LRBA: variants seen among roughly 807,000 people sequenced by gnomAD.
The protein encoded by LRBA is lipopolysaccharide-responsive and beige-like anchor protein.
A neutral mutation model predicts 330.0 loss-of-function variants in LRBA; 176 were observed. The observed-to-expected ratio is 0.53, with a 90% confidence interval of 0.47 to 0.60. The LOEUF (loss-of-function observed/expected upper bound fraction) is 0.60. Ranked by LOEUF, LRBA falls within the 20% of genes least tolerant of loss-of-function variation. The pLI is 0.00. For missense variants in LRBA, 3,259 were observed against 3,444.8 expected, an observed-to-expected ratio of 0.95 and a Z score of 1.35; for synonymous variants, 1,230 against 1,193.0, an observed-to-expected ratio of 1.03 and a Z score of -0.64.
chr4:150,645,187 T>A (rs1779011587), intron 37 of LRBA, among the ~76,000 whole-genome samples: 1 of 145,886 alleles, frequency 6.9e-6, no homozygotes, highest in African/African-American at 2.5e-5. Flanking sequence ...GATTTTCCGC[T>A]AAGGGCATAG....
intron 48 of LRBA, among the ~76,000 whole-genome samples, chr4:150,348,088 T>C (rs891883640): frequency 1.3e-5 from 2 of 152,214 alleles, no homozygotes; most frequent in Non-Finnish European, 1.5e-5. Flanking sequence ...TAGAGAACAT[T>C]TCCAGCACTG....
intron 2 of LRBA, among the ~76,000 whole-genome samples, chr4:150,977,490 G>T (rs74409634): frequency 0.011 from 1,673 of 152,282 alleles, 15 homozygotes; most frequent in Middle Eastern, 0.031. Context: ...TGCAGAACCA[G>T]AAGCAACATC....
chr4:150,959,464 C>T (rs1351230194), intron 2 of LRBA, among the ~76,000 whole-genome samples: 1 of 149,176 alleles, frequency 6.7e-6, no homozygotes, highest in Non-Finnish European at 1.5e-5. Context: ...ATAAAAATAG[C>T]AGAAACATGA....
intron 48 of LRBA, among the ~76,000 whole-genome samples, chr4:150,341,302 C>T (rs748294208): frequency 7.9e-5 from 12 of 152,098 alleles, no homozygotes; most frequent in Non-Finnish European, 1.2e-4. Flanking sequence ...GCTGGAACTA[C>T]AGGCGCATAC....
chr4:150,521,491 C>T (rs1762919889), intron 40 of LRBA, among the ~76,000 whole-genome samples: 1 of 152,100 alleles, frequency 6.6e-6, no homozygotes, highest in Non-Finnish European at 1.5e-5. Context: ...CTGGCCTCAA[C>T]TCATCTTCAC....
intron 53 of LRBA, among the ~76,000 whole-genome samples, chr4:150,289,831 A>G (rs1430698217): frequency 1.3e-5 from 2 of 152,224 alleles, no homozygotes; most frequent in Non-Finnish European, 2.9e-5. Context: ...TCAATATAGC[A>G]GATATATGAT....
chr4:150,797,256 T>C (rs1422256667), intron 34 of LRBA, among the ~76,000 whole-genome samples: 5 of 151,892 alleles, frequency 3.3e-5, no homozygotes, highest in Non-Finnish European at 2.9e-5. Context: ...CCTTATTCGT[T>C]AGGCAAGTAA....
chr4:150,444,174 CA>C (rs534553174), intron 44 of LRBA, among the ~76,000 whole-genome samples: 1 of 151,608 alleles, frequency 6.6e-6, no homozygotes, highest in East Asian at 1.9e-4. Flanking sequence ...AAAATGTGAA[CA>C]AAAAAGGTAA....
intron 30 of LRBA, among the ~76,000 whole-genome samples, chr4:150,826,321 T>TG (rs759550362): frequency 2.0e-5 from 3 of 151,952 alleles, no homozygotes; most frequent in Admixed American, 6.6e-5. Context: ...CTATTTGGGA[T>TG]GGGGGGGAAG....
chr4:150,489,262 A>T (rs868312935), intron 41 of LRBA, among the ~76,000 whole-genome samples: 4 of 58,352 alleles, frequency 6.9e-5, no homozygotes, highest in South Asian at 1.2e-3. Context: ...TATTATATAT[A>T]AGAATATATA....
intron 40 of LRBA, among the ~76,000 whole-genome samples, chr4:150,514,363 C>G (rs1044352145): frequency 1.3e-5 from 2 of 152,300 alleles, no homozygotes; most frequent in African/African-American, 4.8e-5. Flanking sequence ...TGAGCCACCA[C>G]ATGCCGGGCC....
chr4:150,764,037 T>C (rs1258765047), intron 34 of LRBA, among the ~76,000 whole-genome samples: 1 of 151,940 alleles, frequency 6.6e-6, no homozygotes, highest in South Asian at 2.1e-4. Context: ...AATACAAGAA[T>C]AGGAAGGAAA....
At chr4:150,295,307 G>T (rs927660825) in intron 53 of LRBA, among the ~76,000 whole-genome samples, 5 of 149,970 alleles carry the variant, frequency 3.3e-5, no homozygotes, top group Non-Finnish European at 4.4e-5. Flanking sequence ...GGCTAAGGTG[G>T]TCCTCCCACT....
At chr4:150,949,437 A>AC (rs1340554506) in intron 2 of LRBA, among the ~76,000 whole-genome samples, 34 of 152,072 alleles carry the variant, frequency 2.2e-4, no homozygotes, top group African/African-American at 7.5e-4. Context: ...GAAAGTGGGT[A>AC]TAGCTGTAAG....
At chr4:150,802,632 A>G (rs1250369647) in intron 33 of LRBA, among the ~76,000 whole-genome samples, 1 of 152,166 alleles carries the variant, frequency 6.6e-6, no homozygotes, top group African/African-American at 2.4e-5. Context: ...ACATCATTAC[A>G]ATTGAGACAA....
chr4:151,013,701 ACC>A (rs1353539700), intron 2 of LRBA: 1 of 69,026 alleles, frequency 1.4e-5, no homozygotes, highest in Non-Finnish European at 3.0e-5. Flanking sequence ...TCCCCCTCCC[ACC>A]CCCACCCGAA....
intron 40 of LRBA, among the ~76,000 whole-genome samples, chr4:150,507,526 T>C (rs1430799158): frequency 2.0e-5 from 3 of 152,188 alleles, no homozygotes; most frequent in African/African-American, 7.2e-5. Context: ...GCTAGCCATA[T>C]GTAGGAAGCT....
chr4:150,465,782 T>C (rs1355075485), intron 44 of LRBA, among the ~76,000 whole-genome samples: 1 of 152,022 alleles, frequency 6.6e-6, no homozygotes, highest in Non-Finnish European at 1.5e-5. Context: ...CTCTGAAAAT[T>C]AAAACTCCCT....
intron 37 of LRBA, among the ~76,000 whole-genome samples, chr4:150,628,548 A>G (rs1777065267): frequency 6.6e-6 from 1 of 152,236 alleles, no homozygotes. Flanking sequence ...AAATGATACC[A>G]TATGACCTTT....
Sources: gnomAD v4.1 joint callset for allele counts (sites outside exome capture counted in the v4.1 genomes callset) on GRCh38, gnomAD v4.1.1 for gene constraint, MANE v1.5 for transcripts, NCBI Gene and HGNC (gene_info 2026-07-23, HGNC 2026-07-21) for gene names.